KIAA1217: variants seen among roughly 807,000 people sequenced by gnomAD.
KIAA1217 encodes the protein KIAA1217, also known as sickle tail protein homolog.
Under a neutral mutation model 163.9 loss-of-function variants are expected in KIAA1217, and 88 were observed. The ratio of observed to expected loss-of-function variants is 0.54; its 90% confidence interval spans 0.45 to 0.64. The LOEUF (loss-of-function observed/expected upper bound fraction) is 0.64, where lower values mean the gene tolerates loss of function less well. Among genes scored for constraint, KIAA1217 ranks in the 30% least tolerant of loss-of-function variants. KIAA1217 has a pLI of 0.00. For missense variants in KIAA1217, 2,372 were observed against 2,475.0 expected (o/e 0.96, Z 0.88); for synonymous variants, 903 against 923.1 (o/e 0.98, Z 0.39).
intron 2 of KIAA1217, among the ~76,000 whole-genome samples, chr10:24,202,113 G>A (rs1236465989): frequency 6.6e-6 from 1 of 152,216 alleles, no homozygotes; most frequent in Non-Finnish European, 1.5e-5. Flanking sequence ...TATTTGCACT[G>A]CGCCTTTCAT....
intron 2 of KIAA1217, among the ~76,000 whole-genome samples, chr10:24,274,017 A>C (rs1374532220): frequency 1.3e-5 from 2 of 152,128 alleles, no homozygotes; most frequent in Non-Finnish European, 2.9e-5. Context: ...TTAGACGCAT[A>C]CCTCAACCAA....
intron 2 of KIAA1217, among the ~76,000 whole-genome samples, chr10:24,332,089 C>T (rs566086407): frequency 1.3e-4 from 20 of 152,312 alleles, no homozygotes; most frequent in East Asian, 3.9e-4. Flanking sequence ...GTGTGAGTCA[C>T]GGCACGTGAT....
intron 2 of KIAA1217, among the ~76,000 whole-genome samples, chr10:24,147,915 C>T (rs16924334): frequency 0.014 from 2,129 of 148,426 alleles, 47 homozygotes; most frequent in African/African-American, 0.05. Context: ...TGTCTAGATT[C>T]GCATTTTCAA....
intron 1 of KIAA1217, among the ~76,000 whole-genome samples, chr10:23,708,184 C>T (rs189292586): frequency 7.2e-4 from 109 of 152,258 alleles, no homozygotes; most frequent in African/African-American, 2.5e-3. Context: ...TCTCATGGGA[C>T]TTACTTATTC....
chr10:24,096,303 A>C (rs982682814), intron 2 of KIAA1217, among the ~76,000 whole-genome samples: 3 of 151,864 alleles, frequency 2.0e-5, no homozygotes, highest in African/African-American at 7.3e-5. Flanking sequence ...GATCATTCTC[A>C]TTCTCTCTTG....
intron 2 of KIAA1217, among the ~76,000 whole-genome samples, chr10:24,327,958 C>T (rs1353698860): frequency 1.3e-5 from 2 of 152,148 alleles, no homozygotes; most frequent in Non-Finnish European, 2.9e-5. Context: ...CTCCTATATG[C>T]AGTCATGCTT....
intron 1 of KIAA1217, among the ~76,000 whole-genome samples, chr10:23,844,263 A>G (rs576396463): frequency 1.8e-4 from 27 of 152,226 alleles, no homozygotes; most frequent in African/African-American, 6.3e-4. Flanking sequence ...AGTGGTTTCT[A>G]TCTTCCCTTT....
chr10:23,873,719 T>C (rs1291923329), intron 1 of KIAA1217, among the ~76,000 whole-genome samples: 12 of 151,992 alleles, frequency 7.9e-5, no homozygotes, highest in Admixed American at 6.6e-4. Context: ...TTTCCCTCTG[T>C]CTCACTCGCC....
chr10:24,322,693 C>A lies in KIAA1217; in HGVS notation c.355-58176C>A, dbSNP rs181246327. ...CTTCAAACCACCCAGAGTGGGTAGA[C>A]GTCTTTCGTGCCTCTAAGAAGCCCC... is the stretch of plus-strand genomic sequence containing the variant. On this transcript the variant is annotated intron_variant, in intron 2 of 20. Transcript: ENST00000376454. 3.9e-5 allele frequency among the ~76,000 whole-genome samples: 6 copies of A among 152,250 alleles called. No homozygotes were observed. The East Asian group carries it at 1.2e-3, about 29-fold the overall frequency.
chr10:24,505,330 T>C (rs1303674097), intron 9 of KIAA1217, among the ~76,000 whole-genome samples: 2 of 151,258 alleles, frequency 1.3e-5, no homozygotes, highest in Admixed American at 1.3e-4. Context: ...CAAATAACGG[T>C]TGGGTCTGTA....
At chr10:24,147,876 A>G (rs1342873883) in intron 2 of KIAA1217, among the ~76,000 whole-genome samples, 3 of 151,128 alleles carry the variant, frequency 2.0e-5, no homozygotes, top group African/African-American at 7.3e-5. Flanking sequence ...AGAAAGAGAA[A>G]AGAAAAGAAA....
intron 2 of KIAA1217, among the ~76,000 whole-genome samples, chr10:24,364,933 G>A (rs1755562475): frequency 6.6e-6 from 1 of 152,112 alleles, no homozygotes; most frequent in African/African-American, 2.4e-5. Context: ...TCGGTAGCTA[G>A]GACTACAGGC....
chr10:23,783,285 C>T (rs1835341813), intron 1 of KIAA1217, among the ~76,000 whole-genome samples: 1 of 152,090 alleles, frequency 6.6e-6, no homozygotes, highest in Admixed American at 6.6e-5. Flanking sequence ...TGCATGTGGC[C>T]CATGGGACAC....
At position 24,524,696 on chromosome 10, in the gene KIAA1217, G is replaced by T. The variant is rs555512603; in HGVS notation, c.2830G>T (p.Ala944Ser). The T allele has an allele frequency of 6.2e-7, 1 of 1,613,044 alleles. No homozygotes were observed. The highest frequency in any genetic ancestry group is 1.3e-5 in the African/African-American group (1 of 75,048). ...QSPQIPMNGS[A>S]MQSLFIEEIH... is the part of the protein sequence containing the mutation. ...CCCACAGATACCCATGAATGGGTCT[G>T]CCATGCAGAGCTTGTTCATTGAAGA... Residue 944 changes from alanine (A) to serine (S), a missense_variant, in exon 13 of 21, where the codon GCC becomes TCC. Coordinates refer to ENST00000376454, the MANE Select transcript of KIAA1217 (RefSeq NM_019590.5).
chr10:24,300,217 C>T (rs1437593427), intron 2 of KIAA1217, among the ~76,000 whole-genome samples: 3 of 152,196 alleles, frequency 2.0e-5, no homozygotes, highest in Non-Finnish European at 2.9e-5. Context: ...AAATTGGTAA[C>T]AAAATGAATC....
chr10:23,949,771 TGAG>T (rs1017748191), intron 1 of KIAA1217, among the ~76,000 whole-genome samples: 1 of 152,130 alleles, frequency 6.6e-6, no homozygotes, highest in Non-Finnish European at 1.5e-5. Flanking sequence ...TGAGAAATAT[TGAG>T]GTGAGAAAAT....
chr10:24,265,537 C>T (rs767659391), intron 2 of KIAA1217, among the ~76,000 whole-genome samples: 1 of 152,160 alleles, frequency 6.6e-6, no homozygotes, highest in Non-Finnish European at 1.5e-5. Flanking sequence ...CTTGGTGCAA[C>T]TCAGAGTTGG....
In KIAA1217 at chr10:24,345,587, T is replaced by C. The variant is rs1398486395; in HGVS notation, c.355-35282T>C. Among the ~76,000 whole-genome samples the C allele has an allele frequency of 2.0e-5, 3 of 152,202 alleles. No individual in the cohort carries two copies. In the East Asian group the frequency reaches 5.8e-4, roughly 29 times the overall value. ...TCCCCTTTGGAGAGAGTTGTTAAGA[T>C]AAGACTTAACTGTGACTAAATATAC... On this transcript the variant is annotated intron_variant, in intron 2 of 20. Coordinates refer to ENST00000376454, the MANE Select transcript of KIAA1217 (RefSeq NM_019590.5).
At chr10:24,266,475 A>C (rs2076249161) in intron 2 of KIAA1217, among the ~76,000 whole-genome samples, 1 of 152,178 alleles carries the variant, frequency 6.6e-6, no homozygotes, top group Non-Finnish European at 1.5e-5. Flanking sequence ...AGGTGAAGCC[A>C]GCTGGACTTC....
Sources: gnomAD v4.1 joint callset for allele counts (sites outside exome capture counted in the v4.1 genomes callset) on GRCh38, gnomAD v4.1.1 for gene constraint, MANE v1.5 for transcripts, NCBI Gene and HGNC (gene_info 2026-07-23, HGNC 2026-07-21) for gene names.